The following PDE2A variants were observed in gnomAD, a reference collection of about 807,000 sequenced individuals.
The protein encoded by PDE2A is phosphodiesterase 2A.
A neutral mutation model predicts 133.6 loss-of-function variants in PDE2A; 53 were observed. The observed-to-expected ratio is 0.40, with a 90% CI of 0.32 to 0.50. PDE2A has a LOEUF of 0.50. PDE2A is among the 20% of genes least tolerant of loss of function. PDE2A has a pLI of 0.73. For synonymous variants in PDE2A, 491 were observed against 490.2 expected (o/e 1.00, Z -0.02); for missense variants, 796 against 1,232.4 (o/e 0.65, Z 5.30).
chr11:72,663,726 C>G (rs1447753599), intron 1 of PDE2A, among the ~76,000 whole-genome samples: 1 of 111,830 alleles, frequency 8.9e-6, no homozygotes. Flanking sequence ...AAGACTGTCT[C>G]AAAAAAAAAA....
chr11:72,582,459 C>A lies in PDE2A; in HGVS notation c.1836G>T (p.Glu612Asp). Residue 612 changes from glutamate (E) to aspartate (D), a missense_variant, in exon 21 of 31, where the codon GAG becomes GAT. Glu to Asp is a conservative substitution (Grantham distance 45). Coordinates refer to ENST00000334456, the MANE Select transcript of PDE2A (RefSeq NM_002599.5). ...SFTYTPRSLP[E>D]DDTSMAILSM... Reference sequence around the variant, plus strand: ...AGCAACTCACCATGGACGTGTCATCCTCGGGCAGGGAACGAGGGGTATAGG... The same window carrying A: ...AGCAACTCACCATGGACGTGTCATCATCGGGCAGGGAACGAGGGGTATAGG... The A allele has an allele frequency of 6.2e-7, 1 of 1,614,072 alleles. No individual in the cohort carries two copies. Among genetic ancestry groups the A allele is most frequent in the South Asian group, 1.1e-5 (1 of 91,084 alleles).
In PDE2A at chr11:72,597,769, G is replaced by A; in HGVS notation, c.324-150C>T. On this transcript the variant is annotated intron_variant, in intron 4 of 30. Transcript: ENST00000334456. This position sits in a 1 kb window ranked among gnomAD's most constrained non-coding sequence, Gnocchi z 4.6. ...CAGGTTGGACACGATGACAGCACAA[G>A]TAAAAAAGTAGGGGACCCTGGACCC... 1 of 596,520 alleles carries A rather than the reference G, an allele frequency of 1.7e-6. No homozygotes were observed. The highest frequency in any genetic ancestry group is 3.0e-6 in the Non-Finnish European group (1 of 334,814). 37.0% of individuals were successfully genotyped at this position (596,520 alleles called of 1,614,324 possible).
chr11:72,614,014 C>G (rs979710621), intron 2 of PDE2A, among the ~76,000 whole-genome samples: 25 of 152,238 alleles, frequency 1.6e-4, no homozygotes, highest in African/African-American at 6.0e-4. Context: ...TAGGCTCAGA[C>G]CAGAGAAGCC....
At chr11:72,665,431 C>T (rs1855206612) in intron 1 of PDE2A, among the ~76,000 whole-genome samples, 1 of 151,820 alleles carries the variant, frequency 6.6e-6, no homozygotes, top group South Asian at 2.1e-4. Flanking sequence ...AGCCCCAAAC[C>T]TCCAGGAAGA....
intron 20 of PDE2A, 46 bp downstream of exon 20, chr11:72,583,392 C>G: frequency 7.5e-7 from 1 of 1,329,014 alleles, no homozygotes; most frequent in South Asian, 1.2e-5. Flanking sequence ...GGCCCTGGGT[C>G]CCCGGGGAAT....
chr11:72,620,415 C>T (rs1857700368), intron 2 of PDE2A, among the ~76,000 whole-genome samples: 1 of 152,132 alleles, frequency 6.6e-6, no homozygotes, highest in Non-Finnish European at 1.5e-5. Flanking sequence ...TCCCCAGTTC[C>T]ACTCCCATTT....
intron 27 of PDE2A, 132 bp downstream of exon 27, chr11:72,579,152 G>C (rs532870443): frequency 2.2e-5 from 20 of 927,018 alleles, no homozygotes; most frequent in Non-Finnish European, 3.5e-5. Flanking sequence ...GGGTCTGCCT[G>C]GGGGGGGCCG....
chr11:72,584,057 A>T (rs1855842714), intron 19 of PDE2A, 144 bp downstream of exon 19: 2 of 613,194 alleles, frequency 3.3e-6, no homozygotes, highest in Non-Finnish European at 5.8e-6. Flanking sequence ...GCGTGTCCTG[A>T]AGGCTGCACC....
chr11:72,636,018 A>C (rs1288518898), intron 2 of PDE2A: 1 of 1,261,986 alleles, frequency 7.9e-7, no homozygotes, highest in Non-Finnish European at 1.0e-6. Flanking sequence ...CCTGTCTCCC[A>C]GTGGCAGCCC....
Position 72,674,145 on chromosome 11 carries a change from C to T in PDE2A, c.63G>A (p.Pro21=), listed in dbSNP as rs1416850695. 17 of 1,613,182 alleles carry T rather than the reference C, an allele frequency of 1.1e-5. No homozygotes were observed. Among genetic ancestry groups the T allele is most frequent in the East Asian group, 4.5e-5 (2 of 44,882 alleles). Residue 21 remains proline, a synonymous_variant, in exon 1 of 31, where the codon CCG becomes CCA. Coordinates refer to ENST00000334456, the MANE Select transcript of PDE2A (RefSeq NM_002599.5). ...CRSQQYPAAR[P]AEPRGQQVFL... is the part of the protein sequence containing the mutation. ...CCCCTCACTATACTCACGGCTCAGC[C>T]GGTCGCGCTGCCGGGTACTGCTGGC... is the stretch of plus-strand genomic sequence containing the variant.
Position 72,577,223 on chromosome 11 carries a change from A to G in PDE2A, c.*161T>C, listed in dbSNP as rs1316942235. The G allele has an allele frequency of 1.7e-6, 1 of 604,232 alleles. No homozygotes were observed. The highest frequency in any genetic ancestry group is 2.7e-5 in the East Asian group (1 of 36,368). The allele number at this position is 604,232 out of a possible 1,614,324, so 37.4% of individuals were successfully genotyped here. ...GTTGGAAGTCTTGCTTCCATTATAC[A>G]GACGAGAAAGCTGAGGCCCAGGAAG... On this transcript the variant is annotated 3_prime_UTR_variant, in exon 31 of 31. Transcript: ENST00000334456.
Position 72,644,409 on chromosome 11 carries a change from C to G in PDE2A, c.72-2083G>C, listed in dbSNP as rs908487207. On this transcript the variant is annotated intron_variant, in intron 1 of 30. Coordinates refer to ENST00000334456, the MANE Select transcript of PDE2A (RefSeq NM_002599.5). ...CCTTCCTATTTTTGGCCTCAGTTTTCTCTTCCGTAAAAGGGGATGACCCAT... is the reference window on the plus strand; with the variant it reads ...CCTTCCTATTTTTGGCCTCAGTTTTGTCTTCCGTAAAAGGGGATGACCCAT... Among the ~76,000 whole-genome samples, 15 of 152,184 alleles carry G rather than the reference C, an allele frequency of 9.9e-5. 1 individual carries two copies. Among genetic ancestry groups the G allele is most frequent in the African/African-American group, 3.6e-4 (15 of 41,408 alleles).
chr11:72,590,360 C>G lies in PDE2A; in HGVS notation c.703+67G>C, dbSNP rs1856184301. On this transcript the variant is annotated intron_variant, in intron 8 of 30. Coordinates refer to ENST00000334456, the MANE Select transcript of PDE2A (RefSeq NM_002599.5). The surrounding 1 kb of genome is among the most constrained non-coding windows in gnomAD (Gnocchi z 4.8). ...GCCGCCGGCTCCCGGGATCGCCTAACCCGCCCACCTCCCCTCCAAGTTCTG... is the reference window on the plus strand; with the variant it reads ...GCCGCCGGCTCCCGGGATCGCCTAAGCCGCCCACCTCCCCTCCAAGTTCTG... The G allele has an allele frequency of 2.6e-6, 4 of 1,543,600 alleles. No individual in the cohort carries two copies. In the East Asian group the frequency reaches 9.7e-5, roughly 37 times the overall value.
chr11:72,592,692 A>G (rs1284731470), intron 6 of PDE2A, among the ~76,000 whole-genome samples: 1 of 151,962 alleles, frequency 6.6e-6, no homozygotes, highest in African/African-American at 2.4e-5. Context: ...AAGAAGTTAG[A>G]CTTTAGCCTG....
At chr11:72,619,796 T>C (rs917238970) in intron 2 of PDE2A, among the ~76,000 whole-genome samples, 3 of 152,162 alleles carry the variant, frequency 2.0e-5, no homozygotes, top group African/African-American at 4.8e-5. Flanking sequence ...CTCCCTCAGA[T>C]GCGGGCTCAT....
At chr11:72,622,480 TCTGTCCATACA>T (rs1463360213) in intron 2 of PDE2A, among the ~76,000 whole-genome samples, 7 of 152,216 alleles carry the variant, frequency 4.6e-5, no homozygotes, top group African/African-American at 1.7e-4. Context: ...ATGGATGTGG[TCTGTCCATACA>T]CTGGAATATT....
intron 4 of PDE2A, chr11:72,598,513 G>T (rs565345717): frequency 7.0e-6 from 9 of 1,289,086 alleles, no homozygotes; most frequent in East Asian, 1.1e-4. Flanking sequence ...AAGCACCTGA[G>T]TTTGCACCAA....
At chr11:72,594,237 C>T (rs1727142665) in intron 6 of PDE2A, among the ~76,000 whole-genome samples, 1 of 152,210 alleles carries the variant, frequency 6.6e-6, no homozygotes, top group Admixed American at 6.5e-5. Flanking sequence ...AGAGCAGAGA[C>T]TGAGAGAGGG....
Position 72,605,089 on chromosome 11 carries a change from G to T in PDE2A, c.323+49C>A, listed in dbSNP as rs756881769. The T allele has an allele frequency of 2.1e-5, 26 of 1,237,628 alleles. 1 individual carries two copies. The highest frequency in any genetic ancestry group is 5.9e-6 in the Non-Finnish European group (5 of 849,294). The allele number at this position is 1,237,628 out of a possible 1,614,324, so 76.7% of individuals were successfully genotyped here. A position where few individuals can be genotyped will look rare whatever the true frequency, so the allele number is the denominator to read the frequency against. On this transcript the variant is annotated intron_variant, in intron 4 of 30. Coordinates refer to ENST00000334456, the MANE Select transcript of PDE2A (RefSeq NM_002599.5). ...ACCTTGGATGGTGCCTCAGCCCTGAGAATCCTTGGCCATGCAAGAGGGCAA... is the reference window on the plus strand; with the variant it reads ...ACCTTGGATGGTGCCTCAGCCCTGATAATCCTTGGCCATGCAAGAGGGCAA...
Sources: gnomAD v4.1 joint callset for allele counts (sites outside exome capture counted in the v4.1 genomes callset) on GRCh38, gnomAD v4.1.1 for gene constraint, Gnocchi (gnomAD v3.1) non-coding constraint, MANE v1.5 for transcripts, NCBI Gene and HGNC (gene_info 2026-07-23, HGNC 2026-07-21) for gene names.